DUSP14: variants seen among roughly 807,000 people sequenced by gnomAD.
DUSP14 encodes the protein dual specificity protein phosphatase 14.
A neutral mutation model predicts 13.2 loss-of-function variants in DUSP14; 5 were observed. The observed-to-expected ratio is 0.38, with a 90% CI of 0.20 to 0.80. DUSP14 has a LOEUF of 0.80. Among genes scored for constraint, DUSP14 ranks in the 30% least tolerant of loss-of-function variants. The pLI is 0.44. For missense variants in DUSP14, 185 were observed against 264.0 expected (o/e 0.70, Z 2.07); for synonymous variants, 91 against 103.4 (o/e 0.88, Z 0.73).
intron 1 of DUSP14, among the ~76,000 whole-genome samples, chr17:37,506,936 C>A (rs897411754): frequency 6.6e-6 from 1 of 151,800 alleles, no homozygotes; most frequent in East Asian, 1.9e-4. Context: ...AGATCCACAC[C>A]CCCCCGCGTG....
intron 1 of DUSP14, among the ~76,000 whole-genome samples, chr17:37,502,484 T>G (rs1265434748): frequency 6.6e-6 from 1 of 151,936 alleles, no homozygotes; most frequent in East Asian, 1.9e-4. Context: ...GCCCCTGGCC[T>G]AAAATGACTA....
At chr17:37,496,551 CGAAACCAGCCTGACCAACATAGT>C (rs1427475271) in intron 1 of DUSP14, among the ~76,000 whole-genome samples, 6 of 152,038 alleles carry the variant, frequency 3.9e-5, no homozygotes, top group African/African-American at 9.7e-5. Flanking sequence ...GTCCGGAGTT[CGAAACCAGCCTGACCAACATAGT>C]GAAACCCCGT....
chr17:37,493,567 C>T (rs1452631135), intron 1 of DUSP14, among the ~76,000 whole-genome samples: 2 of 152,006 alleles, frequency 1.3e-5, no homozygotes, highest in East Asian at 1.9e-4. Context: ...CATGTGCTAG[C>T]GTATTTTTAT....
At chr17:37,493,069 A>G (rs2054039725) in intron 1 of DUSP14, among the ~76,000 whole-genome samples, 1 of 152,004 alleles carries the variant, frequency 6.6e-6, no homozygotes, top group Non-Finnish European at 1.5e-5. Context: ...AATTTTTTAA[A>G]TTTCTGCAGC....
intron 1 of DUSP14, among the ~76,000 whole-genome samples, chr17:37,507,343 T>C (rs2054144601): frequency 6.6e-6 from 1 of 152,208 alleles, no homozygotes. Flanking sequence ...ACAATCTGTT[T>C]TCCCTGCAGC....
chr17:37,510,300 GGGCT>G (rs1470295219), intron 1 of DUSP14: 1 of 152,310 alleles, frequency 6.6e-6, no homozygotes, highest in Non-Finnish European at 1.5e-5. Flanking sequence ...TCCCACTGCA[GGGCT>G]GGCTAACGGT....
rs1391768607 is a variant in DUSP14 at position 37,489,933 on chromosome 17, A to C, written c.-206A>C. The C allele has an allele frequency of 1.4e-5, 1 of 70,468 alleles. No individual in the cohort carries two copies. Among genetic ancestry groups the C allele is most frequent in the Non-Finnish European group, 2.6e-5 (1 of 38,734 alleles). 4.4% of individuals were successfully genotyped at this position (70,468 alleles called of 1,614,324 possible). A position where few individuals can be genotyped will look rare whatever the true frequency, so the allele number is the denominator to read the frequency against. ...CGCAGGAGGACGGAGCCCTAACCGCAACCCGCTCCGCGCCGCGCCGCGCCG... is the reference window on the plus strand; with the variant it reads ...CGCAGGAGGACGGAGCCCTAACCGCCACCCGCTCCGCGCCGCGCCGCGCCG... On this transcript the variant is annotated 5_prime_UTR_variant, in exon 1 of 3. Transcript: ENST00000617516.
intron 2 of DUSP14, among the ~76,000 whole-genome samples, chr17:37,511,938 C>CCT (rs1568206074): frequency 2.6e-5 from 1 of 38,248 alleles, no homozygotes; most frequent in Admixed American, 4.7e-4. Context: ...CCCCACCCCA[C>CCT]TTTTTTTTTT....
chr17:37,508,228 A>G (rs1312860629), intron 1 of DUSP14, among the ~76,000 whole-genome samples: 1 of 152,184 alleles, frequency 6.6e-6, no homozygotes, highest in Non-Finnish European at 1.5e-5. Context: ...TCCAGGGGGA[A>G]TGCAGACAGA....
intron 1 of DUSP14, among the ~76,000 whole-genome samples, chr17:37,497,290 A>C (rs2054072332): frequency 6.6e-6 from 1 of 152,100 alleles, no homozygotes; most frequent in South Asian, 2.1e-4. Flanking sequence ...TTACGGGCAC[A>C]TGCCACCATG....
upstream of DUSP14, among the ~76,000 whole-genome samples, chr17:37,488,834 G>A (rs543299487): frequency 6.6e-5 from 10 of 152,186 alleles, no homozygotes; most frequent in Non-Finnish European, 1.5e-4. Context: ...ATCGGGAGAT[G>A]TAAACCCCAA....
At chr17:37,508,377 G>A (rs1215207527) in intron 1 of DUSP14, among the ~76,000 whole-genome samples, 1 of 152,226 alleles carries the variant, frequency 6.6e-6, no homozygotes, top group Non-Finnish European at 1.5e-5. Context: ...TGTGCGCACA[G>A]CCCTCTGGGG....
chr17:37,510,484 C>T (rs1009356854), intron 1 of DUSP14, 193 bp from the exon 2 acceptor site: 2 of 152,188 alleles, frequency 1.3e-5, no homozygotes, highest in African/African-American at 4.8e-5. Flanking sequence ...GGTTATGTGT[C>T]AGTAACAAAA....
intron 2 of DUSP14, among the ~76,000 whole-genome samples, chr17:37,511,931 C>T (rs867404229): frequency 2.3e-4 from 9 of 39,440 alleles, no homozygotes; most frequent in Admixed American, 1.9e-3. Flanking sequence ...ACCCCCCCCC[C>T]ACCCCACTTT....
At chr17:37,497,292 G>GC (rs1481676376) in intron 1 of DUSP14, among the ~76,000 whole-genome samples, 2 of 152,074 alleles carry the variant, frequency 1.3e-5, no homozygotes, top group Non-Finnish European at 2.9e-5. Flanking sequence ...ACGGGCACAT[G>GC]CCACCATGCC....
chr17:37,509,243 CTATA>C (rs71135736), intron 1 of DUSP14, among the ~76,000 whole-genome samples: 110 of 44,758 alleles, frequency 2.5e-3, no homozygotes, highest in South Asian at 4.0e-3. Flanking sequence ...TATATACACA[CTATA>C]TATATATATA....
intron 1 of DUSP14, chr17:37,510,280 G>T (rs1469276758): frequency 6.6e-6 from 1 of 152,368 alleles, no homozygotes; most frequent in Non-Finnish European, 1.5e-5. Flanking sequence ...CCGCGGTGCC[G>T]CCCAGGCCTT....
chr17:37,499,697 T>C (rs1353020753), intron 1 of DUSP14, among the ~76,000 whole-genome samples: 1 of 151,960 alleles, frequency 6.6e-6, no homozygotes, highest in Non-Finnish European at 1.5e-5. Context: ...ACCTGGCTAA[T>C]TTTTATATTT....
intron 1 of DUSP14, among the ~76,000 whole-genome samples, chr17:37,492,227 A>C (rs1163269340): frequency 6.6e-6 from 1 of 152,140 alleles, no homozygotes; most frequent in African/African-American, 2.4e-5. Flanking sequence ...GCTGAATAAA[A>C]CTTTCCTATT....
Sources: gnomAD v4.1 joint callset for allele counts (sites outside exome capture counted in the v4.1 genomes callset) on GRCh38, gnomAD v4.1.1 for gene constraint, MANE v1.5 for transcripts, NCBI Gene and HGNC (gene_info 2026-07-23, HGNC 2026-07-21) for gene names.